The following TCF20 variants were observed in gnomAD, a reference collection of about 807,000 sequenced individuals.
TCF20 encodes SPRE-binding protein.
A neutral mutation model predicts 148.6 loss-of-function variants in TCF20; 3 were observed. The ratio of observed to expected loss-of-function variants is 0.02; its 90% confidence interval spans 0.01 to 0.05. TCF20 has a LOEUF of 0.05. TCF20 is among the 10% of genes least tolerant of loss of function. The pLI is 1.00. For synonymous variants in TCF20, 1,049 were observed against 909.5 expected (o/e 1.15, Z -2.76); for missense variants, 2,350 against 2,429.3 (o/e 0.97, Z 0.69).
Position 42,242,227 on chromosome 22 carries a change from A to AAAAAAAAAAAAAAAAAAAAAAAAAAT in TCF20, c.-36-26887_-36-26886insATTTTTTTTTTTTTTTTTTTTTTTTT, listed in dbSNP as rs1491280192. Among the ~76,000 whole-genome samples the AAAAAAAAAAAAAAAAAAAAAAAAAAT allele has an allele frequency of 5.1e-4, 62 of 122,738 alleles. 5 individuals carry two copies. Among genetic ancestry groups the AAAAAAAAAAAAAAAAAAAAAAAAAAT allele is most frequent in the Non-Finnish European group, 7.3e-4 (42 of 57,890 alleles). 80.5% of individuals were successfully genotyped at this position (122,738 alleles called of 152,430 possible). On this transcript the variant is annotated intron_variant, in intron 1 of 5. Transcript: ENST00000677622. ...CAAAAAAAAAAAAAAAAAAAAAAAA[A>AAAAAAAAAAAAAAAAAAAAAAAAAAT]CAGAAAAGAAAGGGTGACTACAAGG...
chr22:42,219,563 T>C (rs1922159741), intron 1 of TCF20, among the ~76,000 whole-genome samples: 1 of 151,228 alleles, frequency 6.6e-6, no homozygotes, highest in Non-Finnish European at 1.5e-5. Flanking sequence ...GCATACACAC[T>C]CTAAAAAAGA....
At chr22:42,301,148 T>C (rs1322157266) in intron 1 of TCF20, among the ~76,000 whole-genome samples, 1 of 151,986 alleles carries the variant, frequency 6.6e-6, no homozygotes, top group African/African-American at 2.4e-5. Flanking sequence ...AGGAGGTGGA[T>C]GTGGGGGTTC....
intron 1 of TCF20, among the ~76,000 whole-genome samples, chr22:42,295,568 TGAG>T (rs1308474002): frequency 6.6e-6 from 1 of 151,604 alleles, no homozygotes; most frequent in Non-Finnish European, 1.5e-5. Context: ...CTCAGCCTCC[TGAG>T]GAGCTGGGAT....
chr22:42,246,559 C>G (rs1569182880), intron 1 of TCF20, among the ~76,000 whole-genome samples: 1 of 152,208 alleles, frequency 6.6e-6, no homozygotes, highest in Non-Finnish European at 1.5e-5. Context: ...TTTTCTCTAC[C>G]TCTAAAATGA....
At chr22:42,161,972 CTT>C (rs3045573) in intron 5 of TCF20, among the ~76,000 whole-genome samples, 232 of 74,946 alleles carry the variant, frequency 3.1e-3, no homozygotes, top group African/African-American at 0.013. Context: ...TAATGACAGT[CTT>C]TTTTTTTTTT....
chr22:42,288,537 GA>G (rs397867980), upstream of TCF20, among the ~76,000 whole-genome samples: 3,162 of 73,426 alleles, frequency 0.043, 65 homozygotes, highest in Admixed American at 0.14. Flanking sequence ...TCCATCTCAG[GA>G]AAAAAAAAAA....
intron 1 of TCF20, among the ~76,000 whole-genome samples, chr22:42,304,023 C>T (rs957596407): frequency 5.9e-5 from 9 of 152,090 alleles, no homozygotes; most frequent in Non-Finnish European, 1.3e-4. Context: ...GAAGGTCTGC[C>T]CCACCCCCCT....
At chr22:42,209,215 A>G (rs1938600283) in intron 2 of TCF20, among the ~76,000 whole-genome samples, 1 of 152,218 alleles carries the variant, frequency 6.6e-6, no homozygotes, top group South Asian at 2.1e-4. Flanking sequence ...CAAAACTACT[A>G]AAGGATGATG....
Position 42,210,511 on chromosome 22 carries a change from T to C in TCF20, c.4795A>G (p.Lys1599Glu). ...GGTTCCACAATGGGAACTGCTTGTT[T>C]GGTTTTTCGCTTCCTCGGCTGGGCC... ...PGAQPRKRKT[K>E]QAVPIVEPQE... is the part of the protein sequence containing the mutation. The change falls in exon 2 of 6, where the codon AAA (lysine) becomes GAA (glutamate). Residue 1599 changes from lysine (K) to glutamate (E), a missense_variant. By Grantham distance (56) the Lys-to-Glu change is moderately conservative. Around this residue, in one of 7 missense-constraint regions of TCF20, gnomAD observed 374 missense variants for 398.3 expected, o/e 0.94. Transcript: ENST00000677622. The surrounding 1 kb of genome is among the most constrained non-coding windows in gnomAD (Gnocchi z 4.7). 3.1e-6 allele frequency: 5 copies of C among 1,614,242 alleles called. No homozygotes were observed. Among genetic ancestry groups the C allele is most frequent in the Non-Finnish European group, 4.2e-6 (5 of 1,180,046 alleles).
intron 1 of TCF20, among the ~76,000 whole-genome samples, chr22:42,251,580 G>T (rs1925374000): frequency 8.1e-6 from 1 of 124,176 alleles, no homozygotes; most frequent in East Asian, 2.6e-4. Flanking sequence ...TCAGCTCACT[G>T]CAACCTCCGC....
At chr22:42,308,471 AC>A (rs966101377) in intron 1 of TCF20, among the ~76,000 whole-genome samples, 7 of 151,978 alleles carry the variant, frequency 4.6e-5, no homozygotes, top group Admixed American at 4.6e-4. Flanking sequence ...CACTAATGTC[AC>A]CCCCATTTTA....
At chr22:42,236,277 C>T (rs933694907) in intron 1 of TCF20, among the ~76,000 whole-genome samples, 2 of 152,008 alleles carry the variant, frequency 1.3e-5, no homozygotes, top group African/African-American at 2.4e-5. Context: ...CTAAAAAACA[C>T]AATAAATAAC....
chr22:42,244,425 T>C (rs780806924), intron 1 of TCF20, among the ~76,000 whole-genome samples: 20 of 152,340 alleles, frequency 1.3e-4, no homozygotes, highest in Admixed American at 7.8e-4. Flanking sequence ...GATTGTGGTA[T>C]ATACATAAAA....
rs745589180 is a variant in TCF20 at position 42,212,238 on chromosome 22, C to A, written c.3068G>T (p.Ser1023Ile). 8 of 1,614,096 alleles carry A rather than the reference C, an allele frequency of 5.0e-6. No homozygotes were observed. The highest frequency in any genetic ancestry group is 6.8e-6 in the Non-Finnish European group (8 of 1,180,050). ...ATGAGGGTCTCCCCCTGGGCCTCTGCTCCGCCCAGGAGACATTTTCAATTT... is the reference window on the plus strand; with the variant it reads ...ATGAGGGTCTCCCCCTGGGCCTCTGATCCGCCCAGGAGACATTTTCAATTT... ...AEKLKMSPGR[S>I]RGPGGDPHHM... Residue 1023 changes from serine to isoleucine, a missense_variant, in exon 2 of 6, where the codon AGC becomes ATC. Physicochemically the swap from Ser to Ile is moderately radical, Grantham distance 142 (BLOSUM62 -2). This residue lies in a region of TCF20 where 1,641 missense variants were observed against 1,662.6 expected (regional missense o/e 0.99). Transcript: ENST00000677622.
At chr22:42,261,854 G>C (rs1926046100) in intron 1 of TCF20, among the ~76,000 whole-genome samples, 1 of 152,184 alleles carries the variant, frequency 6.6e-6, no homozygotes, top group South Asian at 2.1e-4. Context: ...AGCTGGGCCT[G>C]GTGGCGGGCG....
intron 1 of TCF20, among the ~76,000 whole-genome samples, chr22:42,307,038 T>TAAA (rs5845532): frequency 5.4e-5 from 5 of 92,760 alleles, no homozygotes; most frequent in South Asian, 3.9e-4. Flanking sequence ...GACTCTGTCT[T>TAAA]AAAAAAAAAA....
intron 1 of TCF20, among the ~76,000 whole-genome samples, chr22:42,291,224 T>C (rs1485338153): frequency 5.9e-5 from 9 of 152,190 alleles, no homozygotes; most frequent in Admixed American, 3.3e-4. Context: ...CAGAAATGCA[T>C]GATGTTACTT....
intron 1 of TCF20, among the ~76,000 whole-genome samples, chr22:42,263,032 G>A (rs1485445445): frequency 6.6e-6 from 1 of 152,102 alleles, no homozygotes; most frequent in Non-Finnish European, 1.5e-5. Flanking sequence ...CCACCTGCAG[G>A]CAGTCCACTT....
chr22:42,180,884 G>A (rs922711702), intron 2 of TCF20, among the ~76,000 whole-genome samples: 13 of 152,352 alleles, frequency 8.5e-5, no homozygotes, highest in Admixed American at 7.2e-4. Context: ...GACAAAAGAG[G>A]TAGGAACAAG....
Sources: gnomAD v4.1 joint callset for allele counts (sites outside exome capture counted in the v4.1 genomes callset) on GRCh38, gnomAD v4.1.1 for gene constraint, gnomAD v4.1.1 regional missense constraint, Gnocchi (gnomAD v3.1) non-coding constraint, MANE v1.5 for transcripts, NCBI Gene and HGNC (gene_info 2026-07-23, HGNC 2026-07-21) for gene names.